TRPM1: variants seen among roughly 807,000 people sequenced by gnomAD.
The protein encoded by TRPM1 is TRPM1-203 APA Isoform, Intron 10.
TRPM1 carries 113 observed loss-of-function variants against 149.4 expected under a neutral mutation model. The observed-to-expected ratio is 0.76, with a 90% confidence interval of 0.65 to 0.88. The LOEUF (loss-of-function observed/expected upper bound fraction) is 0.88. TRPM1 is among the 40% of genes least tolerant of loss of function. The probability of loss-of-function intolerance (pLI) is 0.00; values close to 1 mark genes in which losing one functional copy is unlikely to be tolerated. For synonymous variants in TRPM1, 741 were observed against 759.5 expected (o/e 0.98, Z 0.40); for missense variants, 1,976 against 2,038.7 (o/e 0.97, Z 0.59).
At chr15:31,123,319 G>GA (rs1433210026) in intron 1 of TRPM1, among the ~76,000 whole-genome samples, 19 of 152,108 alleles carry the variant, frequency 1.2e-4, no homozygotes, top group East Asian at 3.9e-4. Context: ...GCTTAGGGAA[G>GA]AAAAAAATTG....
chr15:31,026,846 G>A, intron 26 of TRPM1, 69 bp downstream of exon 26: 2 of 1,520,530 alleles, frequency 1.3e-6, no homozygotes, highest in Non-Finnish European at 1.8e-6. Context: ...TGAGATTTCT[G>A]TGAGGATGTC....
chr15:31,112,995 A>G (rs2035714202), intron 1 of TRPM1, among the ~76,000 whole-genome samples: 3 of 152,208 alleles, frequency 2.0e-5, no homozygotes, highest in Admixed American at 1.3e-4. Context: ...AAGCTTAACC[A>G]TCTGAGGTGC....
chr15:31,100,304 T>C (rs891896706), intron 1 of TRPM1, among the ~76,000 whole-genome samples: 1 of 152,060 alleles, frequency 6.6e-6, no homozygotes, highest in Non-Finnish European at 1.5e-5. Flanking sequence ...CTCTATCTCT[T>C]GACCTCGTGA....
At chr15:31,060,801 G>A (rs1365501273) in intron 10 of TRPM1, among the ~76,000 whole-genome samples, 157 bp from the exon 11 acceptor site, 1 of 152,184 alleles carries the variant, frequency 6.6e-6, no homozygotes, top group Non-Finnish European at 1.5e-5. Flanking sequence ...CAAAGGCTCC[G>A]AGCTGAAAGA....
At chr15:31,065,386 C>T in intron 7 of TRPM1, among the ~76,000 whole-genome samples, 1 of 152,218 alleles carries the variant, frequency 6.6e-6, no homozygotes, top group Non-Finnish European at 1.5e-5. Context: ...GAAAAACAAA[C>T]TGCTCTTTCA....
intron 27 of TRPM1, among the ~76,000 whole-genome samples, chr15:31,013,122 C>T (rs28813475): frequency 9.9e-5 from 15 of 151,528 alleles, no homozygotes; most frequent in East Asian, 3.9e-4. Flanking sequence ...CTAGGACTAC[C>T]GGCACCACCA....
In TRPM1 at chr15:31,100,502, A is replaced by G. The variant is rs566964790; in HGVS notation, c.-84+1155T>C. Among the ~76,000 whole-genome samples the G allele has an allele frequency of 4.6e-5, 7 of 152,322 alleles. No individual in the cohort carries two copies. In the East Asian group the frequency reaches 1.3e-3, roughly 29 times the overall value. ...ATGTACCCCCACAATATGCACAACT[A>G]TGATGTACTAATAAAAAGTACAAAA... On this transcript the variant is annotated intron_variant, in intron 1 of 27. Transcript: ENST00000256552.
chr15:31,077,705 C>T (rs763208584), intron 2 of TRPM1, among the ~76,000 whole-genome samples: 6 of 151,740 alleles, frequency 4.0e-5, no homozygotes, highest in Non-Finnish European at 8.8e-5. Flanking sequence ...TGGCTCAGTG[C>T]GTATTTGTGC....
Position 31,120,608 on chromosome 15 carries a change from C to G in TRPM1, c.54+40298G>C, listed in dbSNP as rs192979162. ...ACTACAGCAGAATACACATTCTTCT[C>G]AAACCCACATGAAACATTCACCAAG... On this transcript the variant is annotated intron_variant, in intron 1 of 26. Coordinates refer to the TRPM1 transcript ENST00000542188. Among the ~76,000 whole-genome samples, 61 of 152,042 alleles carry G rather than the reference C, an allele frequency of 4.0e-4. 1 individual carries two copies. Among genetic ancestry groups the G allele is most frequent in the Middle Eastern group, 3.4e-3 (1 of 294 alleles).
chr15:31,029,309 A>C (rs1445558658), intron 24 of TRPM1, 62 bp downstream of exon 24: 1 of 1,542,386 alleles, frequency 6.5e-7, no homozygotes, highest in Non-Finnish European at 9.0e-7. Flanking sequence ...TAATCAGCTA[A>C]GGAAAAGGTA....
chr15:31,149,841 C>T (rs1268279350), intron 1 of TRPM1, among the ~76,000 whole-genome samples: 1 of 152,238 alleles, frequency 6.6e-6, no homozygotes, highest in Non-Finnish European at 1.5e-5. Flanking sequence ...AATCCCTCTT[C>T]CATCTTGACA....
chr15:31,049,510 C>T lies in TRPM1; in HGVS notation c.1438-1G>A, dbSNP rs1322916470. On this transcript the variant is annotated splice_acceptor_variant, in intron 12 of 27. Coordinates refer to ENST00000256552, the MANE Select transcript of TRPM1 (RefSeq NM_001252024.2). LOFTEE classifies it high-confidence loss of function. ...GCATCGCTTGCTCCAAAGCATTCAC[C>T]TGCAGGGACCAAGGGCCGGGAGCCT... 1.2e-6 allele frequency: 2 copies of T among 1,613,650 alleles called. No individual in the cohort carries two copies. The highest frequency in any genetic ancestry group is 1.7e-6 in the Non-Finnish European group (2 of 1,180,038).
At chr15:31,048,812 G>C (rs1438571792) in intron 13 of TRPM1, among the ~76,000 whole-genome samples, 1 of 151,904 alleles carries the variant, frequency 6.6e-6, no homozygotes, top group Non-Finnish European at 1.5e-5. Flanking sequence ...CTCTGTCTCA[G>C]AACAAACAAA....
At chr15:31,132,547 C>T (rs554413297) in intron 1 of TRPM1, among the ~76,000 whole-genome samples, 20 of 152,308 alleles carry the variant, frequency 1.3e-4, no homozygotes, top group South Asian at 4.1e-4. Context: ...CTTCAGAGGA[C>T]GTGAGGGCAT....
intron 1 of TRPM1, among the ~76,000 whole-genome samples, chr15:31,113,492 A>C (rs1476332538): frequency 5.9e-5 from 9 of 152,100 alleles, no homozygotes; most frequent in Admixed American, 3.9e-4. Flanking sequence ...CAATATCTTA[A>C]AGACAGTGAC....
chr15:31,011,925 A>G (rs893876146), intron 27 of TRPM1, among the ~76,000 whole-genome samples: 1 of 152,062 alleles, frequency 6.6e-6, no homozygotes, highest in African/African-American at 2.4e-5. Flanking sequence ...TCGCCTCCCA[A>G]AGTGCTGGGA....
chr15:31,123,812 T>A (rs1032692592), intron 1 of TRPM1, among the ~76,000 whole-genome samples: 3 of 152,246 alleles, frequency 2.0e-5, no homozygotes, highest in Non-Finnish European at 4.4e-5. Flanking sequence ...TCTTATCTTA[T>A]GATCCAGAAA....
intron 1 of TRPM1, among the ~76,000 whole-genome samples, chr15:31,117,550 A>G (rs1370182365): frequency 1.3e-5 from 2 of 151,940 alleles, no homozygotes; most frequent in Non-Finnish European, 2.9e-5. Context: ...TGGGAGGCTG[A>G]GGCAGGAGAC....
intron 3 of TRPM1, chr15:31,070,587 T>A: frequency 2.2e-6 from 1 of 449,648 alleles, no homozygotes; most frequent in African/African-American, 2.0e-5. Context: ...TTTCTTTCTC[T>A]TGTCATTCAG....
Sources: allele counts gnomAD v4.1 joint callset (sites outside exome capture counted in the v4.1 genomes callset), GRCh38; gene constraint gnomAD v4.1.1; transcripts MANE v1.5; gene names NCBI Gene and HGNC (gene_info 2026-07-23, HGNC 2026-07-21).